Variants in PTPRC observed in about 807,000 individuals in gnomAD.
PTPRC encodes the protein receptor-type tyrosine-protein phosphatase C.
Under a neutral mutation model 155.9 loss-of-function variants are expected in PTPRC, and 44 were observed. That is an observed-to-expected ratio of 0.28 (90% CI 0.22 to 0.36). The LOEUF is 0.36. Ranked by LOEUF, PTPRC falls within the 10% of genes least tolerant of loss-of-function variation. The pLI, the probability that PTPRC is intolerant of heterozygous loss-of-function variation, is 1.00. For missense variants in PTPRC, 1,401 were observed against 1,564.6 expected (o/e 0.90, Z 1.76); for synonymous variants, 525 against 533.1 (o/e 0.98, Z 0.21).
intron 2 of PTPRC, among the ~76,000 whole-genome samples, chr1:198,666,045 G>A (rs1015001011): frequency 1.3e-5 from 2 of 151,866 alleles, no homozygotes; most frequent in Non-Finnish European, 2.9e-5. Flanking sequence ...GTTCAAGACC[G>A]GCCTGGGCAA....
At chr1:198,705,502 C>G (rs1338336849) in intron 8 of PTPRC, among the ~76,000 whole-genome samples, 1 of 150,402 alleles carries the variant, frequency 6.6e-6, no homozygotes, top group Non-Finnish European at 1.5e-5. Context: ...CTTACTGCAA[C>G]CTCTGCCTCC....
At chr1:198,639,448 A>G in intron 2 of PTPRC, 107 bp downstream of exon 2, 2 of 850,300 alleles carry the variant, frequency 2.4e-6, no homozygotes, top group Non-Finnish European at 1.9e-6. Flanking sequence ...GGAAGTGAGA[A>G]GCCTGCTGTA....
At chr1:198,658,157 T>C (rs1233984933) in intron 2 of PTPRC, among the ~76,000 whole-genome samples, 1 of 152,162 alleles carries the variant, frequency 6.6e-6, no homozygotes, top group Non-Finnish European at 1.5e-5. Context: ...GAGAGAGAGA[T>C]GTTTTCCTTT....
chr1:198,643,497 T>A (rs1662757958), intron 2 of PTPRC, among the ~76,000 whole-genome samples: 1 of 151,916 alleles, frequency 6.6e-6, no homozygotes, highest in South Asian at 2.1e-4. Flanking sequence ...TAAATTAAGT[T>A]GATTTTGGAT....
rs773732637 is a variant in PTPRC, at chr1:198,756,229, T to C, written c.*48T>C. 9 of 1,606,554 alleles carry C rather than the reference T, an allele frequency of 5.6e-6. No individual in the cohort carries two copies. The highest frequency in any genetic ancestry group is 1.7e-5 in the Admixed American group (1 of 59,438). On this transcript the variant is annotated 3_prime_UTR_variant, in exon 33 of 33. Transcript: ENST00000442510. ...TCCAAACCTCCTGTTAGCTGTTATT[T>C]CTATTTTTGTAGAAGTAGGAAGTGA...
chr1:198,720,262 T>A (rs1653822765), intron 14 of PTPRC, among the ~76,000 whole-genome samples: 1 of 152,180 alleles, frequency 6.6e-6, no homozygotes, highest in Non-Finnish European at 1.5e-5. Context: ...GTATAAAGGT[T>A]ACACTGATCT....
chr1:198,704,945 A>T (rs1434153482), intron 8 of PTPRC, among the ~76,000 whole-genome samples: 1 of 152,172 alleles, frequency 6.6e-6, no homozygotes, highest in Non-Finnish European at 1.5e-5. Flanking sequence ...AAATGGAATA[A>T]CAGCAAGTTT....
Position 198,753,021 on chromosome 1 carries a change from C to T in PTPRC, c.3509+249C>T, listed in dbSNP as rs1455167453. On this transcript the variant is annotated intron_variant, in intron 31 of 32. Coordinates refer to ENST00000442510, the MANE Select transcript of PTPRC (RefSeq NM_002838.5). ...ACTTGGTGTCATGTCATCTTTGATT[C>T]CTTGGTAGCTAACATTGAGCCAGGA... Among the ~76,000 whole-genome samples, 3 of 151,756 alleles carry T rather than the reference C, an allele frequency of 2.0e-5. No homozygotes were observed. In the East Asian group the frequency reaches 5.8e-4, roughly 29 times the overall value.
chr1:198,708,785 A>G (rs1250259576), intron 10 of PTPRC, among the ~76,000 whole-genome samples: 1 of 151,928 alleles, frequency 6.6e-6, no homozygotes, highest in Non-Finnish European at 1.5e-5. Context: ...ATTTGAATTG[A>G]GGCAACTAAT....
At chr1:198,653,748 A>G (rs577243233) in intron 2 of PTPRC, among the ~76,000 whole-genome samples, 1 of 152,038 alleles carries the variant, frequency 6.6e-6, no homozygotes, top group African/African-American at 2.4e-5. Flanking sequence ...GAATATTTAC[A>G]TAAAGGTGTT....
At chr1:198,747,375 CA>C (rs1655181218) in intron 26 of PTPRC, among the ~76,000 whole-genome samples, 1 of 151,420 alleles carries the variant, frequency 6.6e-6, no homozygotes, top group Non-Finnish European at 1.5e-5. Flanking sequence ...GCTGGAGAAA[CA>C]GTCAGGGGCG....
At chr1:198,646,095 A>G (rs191912165) in intron 2 of PTPRC, among the ~76,000 whole-genome samples, 1 of 151,984 alleles carries the variant, frequency 6.6e-6, no homozygotes, top group East Asian at 1.9e-4. Flanking sequence ...ACCAACATTT[A>G]TGAGTTTTCC....
At chr1:198,699,073 A>C (rs539744386) in intron 4 of PTPRC, among the ~76,000 whole-genome samples, 2 of 152,324 alleles carry the variant, frequency 1.3e-5, no homozygotes, top group South Asian at 4.1e-4. Context: ...ACATTTAAAA[A>C]ATTGTTCTTA....
At chr1:198,691,340 A>G (rs1032216022) in intron 2 of PTPRC, among the ~76,000 whole-genome samples, 22 of 152,086 alleles carry the variant, frequency 1.4e-4, no homozygotes, top group African/African-American at 4.8e-4. Context: ...CAGTGAAACT[A>G]TAACTCACTA....
At chr1:198,694,448 ACACT>A (rs1666096951) in intron 3 of PTPRC, 1 of 1,066,432 alleles carries the variant, frequency 9.4e-7, no homozygotes, top group Admixed American at 5.1e-5. Context: ...AATCAAGTTG[ACACT>A]CAATATTAAC....
At position 198,705,720 on chromosome 1, in the gene PTPRC, C is replaced by T. The variant is rs569092540; in HGVS notation, c.686-1014C>T. 2.6e-5 allele frequency among the ~76,000 whole-genome samples: 4 copies of T among 152,212 alleles called. 1 individual carries two copies. The East Asian group carries it at 7.7e-4, about 29-fold the overall frequency. On this transcript the variant is annotated intron_variant, in intron 8 of 32. Transcript: ENST00000442510. Reference sequence around the variant, plus strand: ...ACAGGCATGATCCACCACGCCTGGCCCACTTACAGATTTGTAAACACATAC... The same window carrying T: ...ACAGGCATGATCCACCACGCCTGGCTCACTTACAGATTTGTAAACACATAC...
intron 15 of PTPRC, among the ~76,000 whole-genome samples, chr1:198,727,145 G>A (rs1237008498): frequency 3.9e-5 from 6 of 152,098 alleles, no homozygotes; most frequent in African/African-American, 1.4e-4. Flanking sequence ...ACAGGGGTAA[G>A]CCACTGCGCC....
At chr1:198,699,829 A>G (rs1666382287) in intron 5 of PTPRC, 125 bp downstream of exon 5, 21 of 1,249,002 alleles carry the variant, frequency 1.7e-5, no homozygotes, top group Non-Finnish European at 2.5e-5. Context: ...ATGAATTTGG[A>G]ATTTCAGTCA....
intron 2 of PTPRC, among the ~76,000 whole-genome samples, chr1:198,673,237 T>C (rs1255670361): frequency 6.6e-6 from 1 of 152,164 alleles, no homozygotes; most frequent in African/African-American, 2.4e-5. Context: ...TCTGCTTCCA[T>C]AGAAAGTAGG....
Sources: gnomAD v4.1 joint callset for allele counts (sites outside exome capture counted in the v4.1 genomes callset) on GRCh38, gnomAD v4.1.1 for gene constraint, MANE v1.5 for transcripts, NCBI Gene and HGNC (gene_info 2026-07-23, HGNC 2026-07-21) for gene names.